Variants in MAP3K7 observed in about 807,000 individuals in gnomAD.
MAP3K7 encodes mitogen-activated protein kinase kinase kinase 7.
Under a neutral mutation model 84.8 loss-of-function variants are expected in MAP3K7, and 21 were observed. The observed-to-expected ratio is 0.25, with a 90% confidence interval of 0.18 to 0.36. The LOEUF (loss-of-function observed/expected upper bound fraction) is 0.36, where lower values mean the gene tolerates loss of function less well. Ranked by LOEUF, MAP3K7 falls within the 10% of genes least tolerant of loss-of-function variation. The pLI is 1.00. For synonymous variants in MAP3K7, 241 were observed against 247.7 expected (o/e 0.97, Z 0.25); for missense variants, 503 against 747.7 (o/e 0.67, Z 3.82).
intron 12 of MAP3K7, among the ~76,000 whole-genome samples, chr6:90,540,216 C>T (rs139814516): frequency 1.7e-4 from 26 of 151,836 alleles, no homozygotes; most frequent in Non-Finnish European, 2.2e-4. Flanking sequence ...ACAGAAAATC[C>T]TCTTTGGTCA....
chr6:90,558,720 A>G (rs1186600196), intron 5 of MAP3K7, among the ~76,000 whole-genome samples: 1 of 152,218 alleles, frequency 6.6e-6, no homozygotes, highest in African/African-American at 2.4e-5. Context: ...TAAACCATGT[A>G]ATTAGTGCAA....
At chr6:90,518,090 G>GA (rs35152538) in intron 16 of MAP3K7, among the ~76,000 whole-genome samples, 4 of 151,660 alleles carry the variant, frequency 2.6e-5, no homozygotes, top group African/African-American at 9.6e-5. Context: ...CATACACCTG[G>GA]AAAAAATGTA....
At chr6:90,520,103 T>C (rs1775098865) in intron 14 of MAP3K7, among the ~76,000 whole-genome samples, 1 of 152,104 alleles carries the variant, frequency 6.6e-6, no homozygotes, top group South Asian at 2.1e-4. Flanking sequence ...TTTATGGTTA[T>C]GTAGAACAGT....
chr6:90,520,070 C>T (rs191053512), intron 14 of MAP3K7, among the ~76,000 whole-genome samples: 21 of 152,110 alleles, frequency 1.4e-4, no homozygotes, highest in African/African-American at 3.1e-4. Flanking sequence ...GACTGAGATG[C>T]GTGGGACAGT....
At chr6:90,545,746 T>G (rs189846316) in intron 11 of MAP3K7, among the ~76,000 whole-genome samples, 1 of 152,200 alleles carries the variant, frequency 6.6e-6, no homozygotes, top group South Asian at 2.1e-4. Flanking sequence ...GTTTTAGCAA[T>G]AGTACTCTGA....
chr6:90,586,772 C>A lies in MAP3K7; in HGVS notation c.112G>T (p.Val38Leu). Residue 38 changes from valine (V) to leucine (L), a missense_variant, in exon 1 of 17, where the codon GTG becomes TTG. Val to Leu is a conservative substitution (Grantham distance 32). This residue lies in a region of MAP3K7 where 97 missense variants were observed against 270.8 expected (regional missense o/e 0.36). Transcript: ENST00000369329. ...FEEIDYKEIE[V>L]EEVVGRGAFG... ...TGCCGGGCCTCGCTCACCTCTTCCACCTCGATCTCCTTGTAGTCGATCTCT... is the reference window on the plus strand; with the variant it reads ...TGCCGGGCCTCGCTCACCTCTTCCAACTCGATCTCCTTGTAGTCGATCTCT... 6.3e-7 allele frequency: 1 copy of A among 1,598,466 alleles called. No homozygotes were observed. Among genetic ancestry groups the A allele is most frequent in the Non-Finnish European group, 8.5e-7 (1 of 1,173,082 alleles).
At chr6:90,546,929 C>T (rs1297310291) in intron 11 of MAP3K7, among the ~76,000 whole-genome samples, 1 of 151,744 alleles carries the variant, frequency 6.6e-6, no homozygotes, top group East Asian at 1.9e-4. Context: ...ACTGAAAATC[C>T]CCAAAATATT....
chr6:90,518,231 T>C (rs1227898963), intron 16 of MAP3K7, among the ~76,000 whole-genome samples: 1 of 151,670 alleles, frequency 6.6e-6, no homozygotes, highest in Admixed American at 6.6e-5. Flanking sequence ...AAACAACAAG[T>C]ATAAAGCACC....
At chr6:90,523,098 T>C (rs1303323787) in intron 14 of MAP3K7, among the ~76,000 whole-genome samples, 1 of 152,182 alleles carries the variant, frequency 6.6e-6, no homozygotes, top group Non-Finnish European at 1.5e-5. Context: ...ATACTAATAT[T>C]GTGAACAGTT....
intron 8 of MAP3K7, chr6:90,551,553 G>A (rs912489296): frequency 1.3e-5 from 2 of 152,138 alleles, no homozygotes; most frequent in Non-Finnish European, 2.9e-5. Context: ...ATAAAAACCT[G>A]AAAATAGGCC....
At chr6:90,518,610 A>G (rs1446193628) in intron 15 of MAP3K7, 48 bp from the exon 16 acceptor site, 3 of 952,152 alleles carry the variant, frequency 3.2e-6, no homozygotes, top group South Asian at 2.7e-5. Flanking sequence ...AAATTTCAAT[A>G]TCTAGCTAAG....
chr6:90,514,485 T>C lies in MAP3K7; in HGVS notation c.*2016A>G, dbSNP rs1160661209. On this transcript the variant is annotated 3_prime_UTR_variant, in exon 17 of 17. Coordinates refer to ENST00000369329, the MANE Select transcript of MAP3K7 (RefSeq NM_145331.3). Reference sequence around the variant, plus strand: ...GGTACCATGACTAAAATCTACTATTTTCTTCCATTTACCTATCTGGATATT... The same window carrying C: ...GGTACCATGACTAAAATCTACTATTCTCTTCCATTTACCTATCTGGATATT... 2 of 152,062 alleles carry C rather than the reference T, an allele frequency of 1.3e-5. No homozygotes were observed. Among genetic ancestry groups the C allele is most frequent in the Admixed American group, 1.3e-4 (2 of 15,236 alleles). The allele number at this position is 152,062 out of a possible 1,614,324, so 9.4% of individuals were successfully genotyped here.
intron 5 of MAP3K7, among the ~76,000 whole-genome samples, chr6:90,557,678 G>C (rs1294805688): frequency 6.6e-6 from 1 of 152,052 alleles, no homozygotes; most frequent in Non-Finnish European, 1.5e-5. Flanking sequence ...GTATATTCAA[G>C]ATATCAAGAT....
At position 90,514,760 on chromosome 6, in the gene MAP3K7, C is replaced by G. The variant is rs1250046338; in HGVS notation, c.*1741G>C. On this transcript the variant is annotated 3_prime_UTR_variant, in exon 17 of 17. Transcript: ENST00000369329. ...GCAACAATGCTATGGAGGAGTCATG[C>G]TTTATCCTAGTCTACAGTTATTTTC... 1.3e-5 allele frequency: 2 copies of G among 151,928 alleles called. No homozygotes were observed. The allele number at this position is 151,928 out of a possible 1,614,324, so 9.4% of individuals were successfully genotyped here.
intron 5 of MAP3K7, among the ~76,000 whole-genome samples, chr6:90,556,947 G>C (rs1776356028): frequency 6.6e-6 from 1 of 152,050 alleles, no homozygotes; most frequent in South Asian, 2.1e-4. Context: ...AAAAACTTCT[G>C]TTAGGTCAAC....
chr6:90,532,949 A>G (rs1032387306), intron 13 of MAP3K7, among the ~76,000 whole-genome samples: 2 of 152,220 alleles, frequency 1.3e-5, no homozygotes, highest in African/African-American at 4.8e-5. Context: ...TAGAATGATT[A>G]AAGTATAGAG....
chr6:90,525,896 T>C (rs1464413562), intron 13 of MAP3K7, among the ~76,000 whole-genome samples: 1 of 151,982 alleles, frequency 6.6e-6, no homozygotes, highest in Non-Finnish European at 1.5e-5. Context: ...GCTGTACATA[T>C]AAACACATAA....
At chr6:90,563,884 A>G (rs1387580339) in intron 3 of MAP3K7, among the ~76,000 whole-genome samples, 18 of 152,374 alleles carry the variant, frequency 1.2e-4, no homozygotes, top group Non-Finnish European at 2.9e-5. Context: ...CAGAAACTCT[A>G]TAAGCCAGAA....
chr6:90,568,167 A>G (rs930705563), intron 3 of MAP3K7, among the ~76,000 whole-genome samples: 47 of 152,242 alleles, frequency 3.1e-4, no homozygotes, highest in African/African-American at 1.1e-3. Context: ...TACATACGTA[A>G]CAAACCTGCA....
Sources: allele counts gnomAD v4.1 joint callset (sites outside exome capture counted in the v4.1 genomes callset), GRCh38; gene constraint gnomAD v4.1.1; regional missense constraint gnomAD v4.1.1; transcripts MANE v1.5; gene names NCBI Gene and HGNC (gene_info 2026-07-23, HGNC 2026-07-21).